The following P4HA3 variants were observed in gnomAD, a reference collection of about 807,000 sequenced individuals.
P4HA3 encodes prolyl 4-hydroxylase subunit alpha 3.
Under a neutral mutation model 66.7 loss-of-function variants are expected in P4HA3, and 60 were observed. That is an observed-to-expected ratio of 0.90 (90% confidence interval 0.73 to 1.12). The LOEUF (loss-of-function observed/expected upper bound fraction) is 1.12. Ranked by LOEUF, P4HA3 falls within the 50% of genes most tolerant of loss-of-function variation. The pLI is 0.00. For synonymous variants in P4HA3, 263 were observed against 274.6 expected (o/e 0.96, Z 0.42); for missense variants, 683 against 685.8 (o/e 1.00, Z 0.05).
intron 9 of P4HA3, among the ~76,000 whole-genome samples, chr11:74,276,122 T>A (rs539034919): frequency 1.2e-4 from 19 of 152,122 alleles, no homozygotes; most frequent in Admixed American, 1.2e-3. Context: ...GACATAAAGA[T>A]GGAGGTAACA....
At chr11:74,283,536 T>C (rs949627537) in intron 7 of P4HA3, among the ~76,000 whole-genome samples, 3 of 152,202 alleles carry the variant, frequency 2.0e-5, no homozygotes, top group South Asian at 2.1e-4. Context: ...AACTCTCCCA[T>C]TAAAACTGTC....
At chr11:74,259,074 C>T (rs1223550819) in intron 15 of P4HA3, among the ~76,000 whole-genome samples, 3 of 152,086 alleles carry the variant, frequency 2.0e-5, no homozygotes, top group Admixed American at 1.3e-4. Flanking sequence ...GAGCAGTGGC[C>T]CATGCTGCAT....
Position 74,251,350 on chromosome 11 carries a change from G to A in P4HA3, c.*1319-3349C>T, listed in dbSNP as rs1859654999. 2.9e-6 allele frequency: 4 copies of A among 1,356,556 alleles called. No individual in the cohort carries two copies. The Admixed American group carries it at 9.6e-5, about 33-fold the overall frequency. 84.0% of individuals were successfully genotyped at this position (1,356,556 alleles called of 1,614,324 possible). On this transcript the variant is annotated intron_variant and NMD_transcript_variant, in intron 15 of 15. Coordinates refer to the P4HA3 transcript ENST00000524388. ...AACTGCTCCCTAAACCACAGGCACA[G>A]TTAGGAATTAATATGGGCTCCTCCT...
At chr11:74,272,836 C>T (rs1030663784) in intron 10 of P4HA3, among the ~76,000 whole-genome samples, 1 of 152,140 alleles carries the variant, frequency 6.6e-6, no homozygotes, top group African/African-American at 2.4e-5. Flanking sequence ...TTCTAATATT[C>T]TCTTCCAGTG....
Position 74,304,270 on chromosome 11 carries a change from C to G in P4HA3, c.343G>C (p.Ala115Pro). 3 of 1,613,640 alleles carry G rather than the reference C, an allele frequency of 1.9e-6. No individual in the cohort carries two copies. The highest frequency in any genetic ancestry group is 2.5e-6 in the Non-Finnish European group (3 of 1,179,778). Residue 115 changes from alanine (A) to proline (P), a missense_variant and splice_region_variant, in exon 2 of 13, where the codon GCT (alanine) becomes CCT (proline). Ala to Pro is a conservative substitution (Grantham distance 27). Transcript: ENST00000331597. ...HSLEASENIR[A>P]LKDGYEKVEQ... ...ACCCTCCAGCCCTCCTCCTCATTAC[C>G]TCGGATGTTCTCACTGGCCTCCAGA...
intron 7 of P4HA3, 43 bp downstream of exon 7, chr11:74,285,766 G>A: frequency 2.5e-6 from 4 of 1,585,802 alleles, no homozygotes; most frequent in South Asian, 2.2e-5. Context: ...CCAGGCATGT[G>A]AAGATGAAAG....
intron 4 of P4HA3, among the ~76,000 whole-genome samples, chr11:74,292,877 A>G (rs182056076): frequency 8.5e-5 from 13 of 152,236 alleles, no homozygotes; most frequent in Admixed American, 2.6e-4. Context: ...TATGTGGTCA[A>G]TTTTGGAGTA....
chr11:74,269,576 C>T, intron 11 of P4HA3, 76 bp downstream of exon 11: 1 of 1,455,366 alleles, frequency 6.9e-7, no homozygotes, highest in East Asian at 2.4e-5. Flanking sequence ...GGCTTGCAAG[C>T]ACAGACAGCG....
chr11:74,276,954 C>A (rs777609828), intron 9 of P4HA3, 31 bp downstream of exon 9: 1 of 1,591,750 alleles, frequency 6.3e-7, no homozygotes, highest in Non-Finnish European at 8.6e-7. Context: ...GCTCCCTACC[C>A]CAGGGGATTG....
chr11:74,304,129 G>T, intron 2 of P4HA3, 141 bp downstream of exon 2: 1 of 1,100,146 alleles, frequency 9.1e-7, no homozygotes, highest in African/African-American at 1.6e-5. Context: ...AATTCTTTGT[G>T]CTAGCTAGAG....
At chr11:74,289,620 G>A (rs1378738504) in intron 4 of P4HA3, among the ~76,000 whole-genome samples, 2 of 118,086 alleles carry the variant, frequency 1.7e-5, no homozygotes, top group African/African-American at 3.4e-5. Context: ...AACAGTCCCT[G>A]GTGTGTGATG....
chr11:74,254,858 C>G (rs1277212661), intron 15 of P4HA3, among the ~76,000 whole-genome samples: 1 of 152,142 alleles, frequency 6.6e-6, no homozygotes, highest in East Asian at 1.9e-4. Flanking sequence ...TCCAGAATGC[C>G]CAGTGGGATG....
chr11:74,255,905 G>C (rs1859820032), intron 15 of P4HA3: 1 of 514,680 alleles, frequency 1.9e-6, no homozygotes, highest in Non-Finnish European at 3.9e-6. Flanking sequence ...TGTGTGGTTT[G>C]ATTTCTCTCA....
chr11:74,268,726 T>G (rs770395604), intron 11 of P4HA3, among the ~76,000 whole-genome samples: 17 of 152,140 alleles, frequency 1.1e-4, no homozygotes, highest in Non-Finnish European at 2.1e-4. Context: ...AATCCCCAGT[T>G]TCCTAGCAAA....
intron 1 of P4HA3, among the ~76,000 whole-genome samples, chr11:74,305,017 A>C (rs764032014): frequency 3.3e-5 from 5 of 152,076 alleles, no homozygotes; most frequent in African/African-American, 4.8e-5. Flanking sequence ...TCCTATGAGA[A>C]TCTAATGCCG....
chr11:74,305,770 C>A (rs1040498088), intron 1 of P4HA3, among the ~76,000 whole-genome samples: 3 of 152,150 alleles, frequency 2.0e-5, no homozygotes, highest in Non-Finnish European at 2.9e-5. Flanking sequence ...TCATTCTATA[C>A]CTAAATTCAA....
chr11:74,277,427 T>C (rs991856117), intron 8 of P4HA3, among the ~76,000 whole-genome samples: 1 of 152,144 alleles, frequency 6.6e-6, no homozygotes, highest in Non-Finnish European at 1.5e-5. Flanking sequence ...GCTGCTATGG[T>C]GTAGAGACAT....
intron 11 of P4HA3, 135 bp from the exon 12 acceptor site, chr11:74,268,376 A>C: frequency 1.5e-6 from 1 of 687,998 alleles, no homozygotes; most frequent in East Asian, 2.7e-5. Context: ...CATGCATAAA[A>C]TGGCACAAAA....
At chr11:74,281,962 G>A (rs896382499) in intron 7 of P4HA3, among the ~76,000 whole-genome samples, 3 of 150,816 alleles carry the variant, frequency 2.0e-5, no homozygotes, top group Non-Finnish European at 2.9e-5. Context: ...ATGTGCTTGC[G>A]AGTTCCTCTC....
Sources: gnomAD v4.1 joint callset for allele counts (sites outside exome capture counted in the v4.1 genomes callset) on GRCh38, gnomAD v4.1.1 for gene constraint, MANE v1.5 for transcripts, NCBI Gene and HGNC (gene_info 2026-07-23, HGNC 2026-07-21) for gene names.